WDR5: variants seen among roughly 807,000 people sequenced by gnomAD.
WDR5 encodes the protein WD repeat-containing protein 5.
For missense variants in WDR5, 187 were observed against 416.9 expected (o/e 0.45, Z 4.80); for synonymous variants, 144 against 161.6 (o/e 0.89, Z 0.83).
chr9:134,157,796 A>C lies in WDR5; in HGVS notation c.905-97A>C, dbSNP rs377460732. ...ACCTCCCAGGTGGCGGGCAGGCGCT[A>C]CCCGCGTTTCTGGAGAAAGGTGGAG... On this transcript the variant is annotated intron_variant, in intron 13 of 13. Coordinates refer to ENST00000358625, the MANE Select transcript of WDR5 (RefSeq NM_017588.3). This position sits in a 1 kb window ranked among gnomAD's most constrained non-coding sequence, Gnocchi z 5.0. 6.6e-5 allele frequency: 78 copies of C among 1,175,820 alleles called. 1 individual carries two copies. In the East Asian group the frequency reaches 1.0e-3, roughly 15 times the overall value. 72.8% of individuals were successfully genotyped at this position (1,175,820 alleles called of 1,614,324 possible).
Position 134,145,102 on chromosome 9 carries a change from T to TG in WDR5, c.528+2383_528+2384insG, listed in dbSNP as rs1034355353. 1.3e-4 allele frequency among the ~76,000 whole-genome samples: 15 copies of TG among 118,720 alleles called. No individual in the cohort carries two copies. In the East Asian group the frequency reaches 1.3e-3, roughly 10 times the overall value. 77.9% of individuals were successfully genotyped at this position (118,720 alleles called of 152,430 possible). On this transcript the variant is annotated intron_variant, in intron 7 of 13. Coordinates refer to ENST00000358625, the MANE Select transcript of WDR5 (RefSeq NM_017588.3). ...GAGAGGTTTGTGGGGCTTTGTTTTT[T>TG]TTTTTTTTTTTTTTGAAACAGAATC...
Position 134,150,926 on chromosome 9 carries a change from A to G in WDR5, c.585-1057A>G, listed in dbSNP as rs997496122. ...AAATGTTTCCATTTTAACAGTGACA[A>G]AAATGCTAAGATGTTTAGGAATGCG... On this transcript the variant is annotated intron_variant, in intron 8 of 13. Coordinates refer to ENST00000358625, the MANE Select transcript of WDR5 (RefSeq NM_017588.3). Among the ~76,000 whole-genome samples, 39 of 152,356 alleles carry G rather than the reference A, an allele frequency of 2.6e-4. 1 individual carries two copies. The highest frequency in any genetic ancestry group is 2.5e-3 in the Admixed American group (39 of 15,302).
intron 9 of WDR5, among the ~76,000 whole-genome samples, chr9:134,152,694 TGGACCCCCGTGTGG>T (rs1832556186): frequency 6.6e-6 from 1 of 152,166 alleles, no homozygotes. Context: ...GATGGGGGGA[TGGACCCCCGTGTGG>T]GGAGGCACCC....
In WDR5 at chr9:134,139,859, T is replaced by C; in HGVS notation, c.-19T>C. 1.2e-6 allele frequency: 2 copies of C among 1,613,444 alleles called. No individual in the cohort carries two copies. The highest frequency in any genetic ancestry group is 2.7e-5 in the African/African-American group (2 of 75,044). On this transcript the variant is annotated 5_prime_UTR_variant, in exon 2 of 14. Coordinates refer to ENST00000358625, the MANE Select transcript of WDR5 (RefSeq NM_017588.3). ...CGGGTCCCTCCACCCTTGTCTCCTG[T>C]GCGGCCAGCGTCAGAGCCATGGCGA...
At chr9:134,142,790 TC>T in intron 7 of WDR5, 71 bp downstream of exon 7, 2 of 1,516,770 alleles carry the variant, frequency 1.3e-6, no homozygotes, top group Non-Finnish European at 1.8e-6. Flanking sequence ...TGGCCAGCTG[TC>T]TCCCTGAGGG....
chr9:134,152,184 C>T (rs567067555), intron 9 of WDR5, among the ~76,000 whole-genome samples, 155 bp downstream of exon 9: 1 of 152,368 alleles, frequency 6.6e-6, no homozygotes, highest in East Asian at 1.9e-4. Context: ...TCCGCCAGCT[C>T]CCCCTGACCG....
rs933275375 is a variant in WDR5, at chr9:134,155,521, G to T, written c.741+148G>T. The T allele has an allele frequency of 9.3e-6, 12 of 1,292,954 alleles. No homozygotes were observed. In the African/African-American group the frequency reaches 1.6e-4, roughly 18 times the overall value. The allele number at this position is 1,292,954 out of a possible 1,614,324, so 80.1% of individuals were successfully genotyped here. On this transcript the variant is annotated intron_variant, in intron 11 of 13. Transcript: ENST00000358625. ...TTGGTGCGAATTCCTGAAAGACCTG[G>T]GTATTTGTAGGGTGGCAGTCTGCAA...
intron 7 of WDR5, among the ~76,000 whole-genome samples, chr9:134,145,713 CCT>C (rs1016502457): frequency 2.0e-5 from 3 of 152,186 alleles, no homozygotes; most frequent in Non-Finnish European, 4.4e-5. Flanking sequence ...CAGGGTTTGC[CCT>C]CTCTGGCTAG....
chr9:134,153,336 AG>A (rs1454723246), intron 9 of WDR5, among the ~76,000 whole-genome samples: 3 of 152,034 alleles, frequency 2.0e-5, no homozygotes, highest in Non-Finnish European at 4.4e-5. Flanking sequence ...GTGGGGACGG[AG>A]GGGTCGCTGC....
Position 134,136,101 on chromosome 9 carries a change from C to A in WDR5, c.-158C>A, listed in dbSNP as rs1240298044. 6.7e-6 allele frequency: 1 copy of A among 149,490 alleles called. No individual in the cohort carries two copies. Among genetic ancestry groups the A allele is most frequent in the Non-Finnish European group, 1.5e-5 (1 of 67,102 alleles). 9.3% of individuals were successfully genotyped at this position (149,490 alleles called of 1,614,324 possible). On this transcript the variant is annotated 5_prime_UTR_variant, in exon 1 of 14. Transcript: ENST00000358625. ...CACTGCGCCCCCGCCGCCTGGCGCC[C>A]GCCCGAGCTGCCGCCTTGTCGAGCT...
intron 1 of WDR5, among the ~76,000 whole-genome samples, chr9:134,136,901 T>G (rs1047900789): frequency 6.6e-6 from 1 of 152,164 alleles, no homozygotes; most frequent in Non-Finnish European, 1.5e-5. Flanking sequence ...CAAATGCTAG[T>G]TTAATCTGTG....
intron 1 of WDR5, among the ~76,000 whole-genome samples, chr9:134,138,203 C>G (rs975834100): frequency 6.6e-6 from 1 of 152,174 alleles, no homozygotes; most frequent in African/African-American, 2.4e-5. Flanking sequence ...GAGGGTGTTT[C>G]CAGGCGTCTA....
At chr9:134,156,670 C>G (rs948942535) in intron 13 of WDR5, 77 bp downstream of exon 13, 1 of 1,464,164 alleles carries the variant, frequency 6.8e-7, no homozygotes, top group Non-Finnish European at 9.5e-7. Context: ...CGTGGTGTGC[C>G]CGTAGGGTGC....
At chr9:134,139,757 G>C (rs1831778156) in intron 1 of WDR5, 63 bp from the exon 2 acceptor site, 1 of 1,074,510 alleles carries the variant, frequency 9.3e-7, no homozygotes, top group African/African-American at 1.6e-5. Flanking sequence ...CCTTTTTCTT[G>C]GAAATCAATT....
At position 134,139,846 on chromosome 9, in the gene WDR5, C is replaced by T. The variant is rs777746227; in HGVS notation, c.-32C>T. ...CTGCCTCTGTCACCGGGTCCCTCCA[C>T]CCTTGTCTCCTGTGCGGCCAGCGTC... On this transcript the variant is annotated 5_prime_UTR_variant, in exon 2 of 14. Coordinates refer to ENST00000358625, the MANE Select transcript of WDR5 (RefSeq NM_017588.3). 4.3e-6 allele frequency: 7 copies of T among 1,613,042 alleles called. No homozygotes were observed. Among genetic ancestry groups the T allele is most frequent in the South Asian group, 2.2e-5 (2 of 91,056 alleles).
chr9:134,142,448 T>C (rs1588170150), intron 6 of WDR5, 26 bp downstream of exon 6: 1 of 1,611,406 alleles, frequency 6.2e-7, no homozygotes, highest in African/African-American at 1.3e-5. Context: ...GTGTCTTCCC[T>C]GGGGGAGGTG....
chr9:134,154,405 C>T, intron 9 of WDR5, 61 bp from the exon 10 acceptor site: 1 of 1,570,446 alleles, frequency 6.4e-7, no homozygotes, highest in South Asian at 1.1e-5. Flanking sequence ...GCGGGTCCCA[C>T]CTCCTGTCCC....
At chr9:134,140,642 A>G (rs1229007182) in intron 2 of WDR5, 61 bp from the exon 3 acceptor site, 4 of 1,429,132 alleles carry the variant, frequency 2.8e-6, no homozygotes, top group Non-Finnish European at 3.0e-6. Flanking sequence ...TCAAAATCCA[A>G]ACTGGTCACG....
chr9:134,144,006 C>T (rs1357848511), intron 7 of WDR5, among the ~76,000 whole-genome samples: 1 of 152,240 alleles, frequency 6.6e-6, no homozygotes, highest in East Asian at 1.9e-4. Flanking sequence ...CAGCATTTGT[C>T]CCATGCTGCC....
Sources: gnomAD v4.1 joint callset for allele counts (sites outside exome capture counted in the v4.1 genomes callset) on GRCh38, gnomAD v4.1.1 for gene constraint, Gnocchi (gnomAD v3.1) non-coding constraint, MANE v1.5 for transcripts, NCBI Gene and HGNC (gene_info 2026-07-23, HGNC 2026-07-21) for gene names.